Variants in TMEM25 observed in about 807,000 individuals in gnomAD.
TMEM25 encodes transmembrane protein 25.
In TMEM25, 36 loss-of-function variants were observed where a neutral mutation model predicts 37.0. That is an observed-to-expected ratio of 0.97 (90% CI 0.75 to 1.28). TMEM25 has a LOEUF of 1.28. TMEM25 is among the 50% of genes most tolerant of loss of function. TMEM25 has a pLI of 0.00. For missense variants in TMEM25, 444 were observed against 477.9 expected (o/e 0.93, Z 0.66); for synonymous variants, 197 against 203.7 (o/e 0.97, Z 0.28).
chr11:118,536,093 G>T (rs1315814542), downstream of TMEM25, among the ~76,000 whole-genome samples: 1 of 151,994 alleles, frequency 6.6e-6, no homozygotes. Context: ...GGCCAGACTG[G>T]TCTCGAACTC....
At chr11:118,545,329 G>A in intron 8 of TMEM25, 1 of 1,020,104 alleles carries the variant, frequency 9.8e-7, no homozygotes, top group Non-Finnish European at 1.5e-6. Flanking sequence ...GCTATAGGAT[G>A]CAATCACAGC....
chr11:118,531,930 CCT>C (rs1440931200), intron 2 of TMEM25, 59 bp downstream of exon 2: 14 of 1,536,490 alleles, frequency 9.1e-6, no homozygotes, highest in African/African-American at 1.4e-5. Context: ...CCCTCTCTCC[CCT>C]GTCTGCACTT....
At chr11:118,545,028 A>G (rs2135458365) in intron 8 of TMEM25, 1 of 1,554,618 alleles carries the variant, frequency 6.4e-7, no homozygotes, top group East Asian at 2.2e-5. Flanking sequence ...GGAAGAGGAG[A>G]GGGAATATTG....
exon 9 of TMEM25, chr11:118,546,397 G>A: frequency 2.1e-6 from 1 of 474,310 alleles, no homozygotes; most frequent in South Asian, 2.4e-5. Flanking sequence ...AGGCTGGGGT[G>A]GGAGGACTGC....
At chr11:118,540,170 C>A (rs147894407), downstream of TMEM25, among the ~76,000 whole-genome samples, 5 of 151,834 alleles carry the variant, frequency 3.3e-5, no homozygotes, top group South Asian at 1.0e-3. Flanking sequence ...AGTGCAGTGG[C>A]GCAATCTCGG....
rs45479397 is a variant in TMEM25, at chr11:118,534,985, G to A, written c.*405G>A. ...TAGGCATGGGGGCGTGCCTGTGTGG[G>A]GGACAGGGAGGGCCCTGCATGGATT... On this transcript the variant is annotated 3_prime_UTR_variant, in exon 9 of 9. Coordinates refer to ENST00000313236, the MANE Select transcript of TMEM25 (RefSeq NM_032780.4). This position sits in a 1 kb window ranked among gnomAD's most constrained non-coding sequence, Gnocchi z 4.6. 30,658 of 1,054,520 alleles carry A rather than the reference G, an allele frequency of 0.029. 492 individuals are homozygous for A. The highest frequency in any genetic ancestry group is 0.047 in the Middle Eastern group (103 of 2,212). The allele number at this position is 1,054,520 out of a possible 1,614,324, so 65.3% of individuals were successfully genotyped here.
chr11:118,537,332 C>T (rs979270371), downstream of TMEM25, among the ~76,000 whole-genome samples: 1 of 151,764 alleles, frequency 6.6e-6, no homozygotes, highest in East Asian at 1.9e-4. Flanking sequence ...CAGAGCAAGA[C>T]TCCGTCCAAA....
chr11:118,540,766 C>T (rs1051226431), downstream of TMEM25, among the ~76,000 whole-genome samples: 4 of 152,200 alleles, frequency 2.6e-5, no homozygotes, highest in Non-Finnish European at 4.4e-5. Flanking sequence ...AGATAAGAGA[C>T]TCCTGCTTGT....
At chr11:118,539,818 C>T (rs935912947), downstream of TMEM25, among the ~76,000 whole-genome samples, 4 of 151,818 alleles carry the variant, frequency 2.6e-5, no homozygotes, top group South Asian at 2.1e-4. Flanking sequence ...GCCAGGAGTT[C>T]GAGACCAGCC....
chr11:118,531,368 AGAACAGGGCAGGAGAGAGGATGG>A (rs553384034), intron 1 of TMEM25, 134 bp downstream of exon 1: 96 of 340,906 alleles, frequency 2.8e-4, no homozygotes, highest in Middle Eastern at 1.5e-3. Context: ...GATGGGAGAG[AGAACAGGGCAGGAGAGAGGATGG>A]GAACAGGGCA....
Position 118,531,200 on chromosome 11 carries a change from G to T in TMEM25, c.-62G>T. The T allele has an allele frequency of 1.9e-6, 1 of 517,358 alleles. No individual in the cohort carries two copies. The highest frequency in any genetic ancestry group is 3.4e-6 in the Non-Finnish European group (1 of 292,306). 32.0% of individuals were successfully genotyped at this position (517,358 alleles called of 1,614,324 possible). A position where few individuals can be genotyped will look rare whatever the true frequency, so the allele number is the denominator to read the frequency against. On this transcript the variant is annotated 5_prime_UTR_variant, in exon 1 of 9. Coordinates refer to ENST00000313236, the MANE Select transcript of TMEM25 (RefSeq NM_032780.4). ...GGACTGCGGTGCTCATCAGACCTGAGCAGTTGCTCCGGCGGCGCTCGGGGA... is the reference window on the plus strand; with the variant it reads ...GGACTGCGGTGCTCATCAGACCTGATCAGTTGCTCCGGCGGCGCTCGGGGA...
chr11:118,538,341 G>T (rs188375521), downstream of TMEM25, among the ~76,000 whole-genome samples: 3 of 151,828 alleles, frequency 2.0e-5, no homozygotes, highest in Admixed American at 2.0e-4. Context: ...GCTAATTTTT[G>T]TATTTTTACT....
At chr11:118,537,535 C>T (rs1005160824), downstream of TMEM25, among the ~76,000 whole-genome samples, 8 of 152,212 alleles carry the variant, frequency 5.3e-5, no homozygotes, top group African/African-American at 1.9e-4. Context: ...TACCCTTTAA[C>T]TCACTTCTTT....
intron 6 of TMEM25, 64 bp downstream of exon 6, chr11:118,533,951 C>T: frequency 1.2e-6 from 2 of 1,613,788 alleles, no homozygotes; most frequent in African/African-American, 1.3e-5. Context: ...CAGGAGGGAG[C>T]CTGGGGTTTC....
chr11:118,534,669 G>T lies in TMEM25; in HGVS notation c.*89G>T. 1 of 1,561,600 alleles carries T rather than the reference G, an allele frequency of 6.4e-7. No homozygotes were observed. Among genetic ancestry groups the T allele is most frequent in the East Asian group, 2.3e-5 (1 of 43,496 alleles). ...CTCTACCTAGCTAGGTCACCAACGT[G>T]AAGAAGTTATGCCACTGCCACTTTT... is the stretch of plus-strand genomic sequence containing the variant. On this transcript the variant is annotated 3_prime_UTR_variant, in exon 9 of 9. Transcript: ENST00000313236. The surrounding 1 kb of genome is among the most constrained non-coding windows in gnomAD (Gnocchi z 4.6).
chr11:118,546,382 T>C (rs1951687031), exon 9 of TMEM25: 6 of 500,654 alleles, frequency 1.2e-5, no homozygotes, highest in Middle Eastern at 5.6e-4. Flanking sequence ...TCCCAGCTAC[T>C]TGGGAGGCTG....
At position 118,535,335 on chromosome 11, in the gene TMEM25, G is replaced by A; in HGVS notation, c.*755G>A. The A allele has an allele frequency of 7.2e-7, 1 of 1,382,988 alleles. No individual in the cohort carries two copies. Among genetic ancestry groups the A allele is most frequent in the Non-Finnish European group, 9.3e-7 (1 of 1,070,510 alleles). The allele number at this position is 1,382,988 out of a possible 1,614,324, so 85.7% of individuals were successfully genotyped here. A position where few individuals can be genotyped will look rare whatever the true frequency, so the allele number is the denominator to read the frequency against. On this transcript the variant is annotated 3_prime_UTR_variant, in exon 9 of 9. Coordinates refer to ENST00000313236, the MANE Select transcript of TMEM25 (RefSeq NM_032780.4). ...CAGGCGATGAGTCTAGTAGCACCCA[G>A]GACGGCTTGTAGCTATGCATCATTT... is the stretch of plus-strand genomic sequence containing the variant.
At chr11:118,539,327 C>T (rs184673445), downstream of TMEM25, among the ~76,000 whole-genome samples, 401 of 152,044 alleles carry the variant, frequency 2.6e-3, 2 homozygotes, top group African/African-American at 9.3e-3. Flanking sequence ...GCCACCACAC[C>T]CAGCTAATTT....
At chr11:118,545,653 G>A (rs1415394351) in intron 8 of TMEM25, 1 of 1,114,812 alleles carries the variant, frequency 9.0e-7, no homozygotes, top group African/African-American at 1.5e-5. Context: ...CACCACCTTT[G>A]AGTGCTGCCA....
Sources: gnomAD v4.1 joint callset for allele counts (sites outside exome capture counted in the v4.1 genomes callset) on GRCh38, gnomAD v4.1.1 for gene constraint, Gnocchi (gnomAD v3.1) non-coding constraint, MANE v1.5 for transcripts, NCBI Gene and HGNC (gene_info 2026-07-23, HGNC 2026-07-21) for gene names.